The following NYAP2 variants were observed in gnomAD, a reference collection of about 807,000 sequenced individuals.
The protein encoded by NYAP2 is neuronal tyrosine-phosphorylated phosphoinositide-3-kinase adapter 2.
In NYAP2, 23 loss-of-function variants were observed where a neutral mutation model predicts 50.4. That is an observed-to-expected ratio of 0.46 (90% CI 0.33 to 0.65). The LOEUF (loss-of-function observed/expected upper bound fraction) is 0.65. NYAP2 is among the 30% of genes least tolerant of loss of function. The pLI is 0.02. For synonymous variants in NYAP2, 394 were observed against 365.2 expected (o/e 1.08, Z -0.90); for missense variants, 885 against 861.0 (o/e 1.03, Z -0.35).
At chr2:225,405,690 A>G (rs1694930043) in intron 2 of NYAP2, among the ~76,000 whole-genome samples, 1 of 151,948 alleles carries the variant, frequency 6.6e-6, no homozygotes, top group Non-Finnish European at 1.5e-5. Context: ...TCTGAGAAAC[A>G]CTTTGGGCTT....
At chr2:225,622,559 T>TTC (rs767090288) in intron 5 of NYAP2, among the ~76,000 whole-genome samples, 3,178 of 56,412 alleles carry the variant, frequency 0.056, 81 homozygotes, top group East Asian at 0.078. Context: ...CTTTCTTTCT[T>TTC]TTTCTTTCTT....
rs1286226416 is a variant in NYAP2, at chr2:225,644,249, GTGTC to G, written c.1829-7179_1829-7176del. On this transcript the variant is annotated intron_variant, in intron 6 of 6. Coordinates refer to ENST00000636099, the Ensembl canonical transcript of NYAP2. Reference sequence around the variant, plus strand: ...CTGCATAAATGCCTTCTTTTGAGAAGTGTCTGTTCATGTCCTTCACCCACTTTTT... The same window carrying G: ...CTGCATAAATGCCTTCTTTTGAGAAGTGTTCATGTCCTTCACCCACTTTTT... 8.5e-5 allele frequency among the ~76,000 whole-genome samples: 13 copies of G among 152,326 alleles called. No homozygotes were observed. The East Asian group carries it at 2.3e-3, about 27-fold the overall frequency.
intron 4 of NYAP2, among the ~76,000 whole-genome samples, chr2:225,550,655 T>C (rs1691657503): frequency 6.6e-6 from 1 of 152,126 alleles, no homozygotes; most frequent in Admixed American, 6.5e-5. Context: ...GTGTGAATTA[T>C]GGGAGGAATG....
At chr2:225,608,589 G>A (rs183674796) in intron 5 of NYAP2, among the ~76,000 whole-genome samples, 175 of 151,940 alleles carry the variant, frequency 1.2e-3, no homozygotes, top group Non-Finnish European at 1.3e-3. Context: ...AACTTATTAC[G>A]GTCCCTGAAC....
chr2:225,484,647 A>C (rs563890889), intron 3 of NYAP2, among the ~76,000 whole-genome samples: 1 of 152,328 alleles, frequency 6.6e-6, no homozygotes, highest in African/African-American at 2.4e-5. Flanking sequence ...ACTCTACTGT[A>C]AGCCTCCTGC....
In NYAP2 at chr2:225,525,959, G is replaced by T. The variant is rs541893903; in HGVS notation, c.523+12287G>T. 7.2e-5 allele frequency among the ~76,000 whole-genome samples: 11 copies of T among 152,308 alleles called. No individual in the cohort carries two copies. The East Asian group carries it at 1.9e-3, about 27-fold the overall frequency. On this transcript the variant is annotated intron_variant, in intron 4 of 6. Coordinates refer to ENST00000636099, the Ensembl canonical transcript of NYAP2. The stretch of plus-strand genomic sequence containing the variant: ...GGTAAGGCACATGGGCAGCCTCTGA[G>T]AGTTGAGAGCAGCACCATGGCTGAA...
the NYAP2 span, among the ~76,000 whole-genome samples, chr2:225,673,992 C>A: frequency 6.6e-6 from 1 of 151,986 alleles, no homozygotes; most frequent in Non-Finnish European, 1.5e-5. Flanking sequence ...ACAAATTTCC[C>A]CTGTGATGAG....
chr2:225,693,050 T>C, the NYAP2 span, among the ~76,000 whole-genome samples: 1 of 152,150 alleles, frequency 6.6e-6, no homozygotes, highest in African/African-American at 2.4e-5. Flanking sequence ...CCATGGTTCA[T>C]GTGTCATGAC....
In NYAP2 at chr2:225,582,543, G is replaced by T. The variant is rs1692308804; in HGVS notation, c.1126G>T (p.Ala376Ser). The T allele has an allele frequency of 6.3e-7, 1 of 1,575,330 alleles. No homozygotes were observed. Among genetic ancestry groups the T allele is most frequent in the Non-Finnish European group, 8.6e-7 (1 of 1,159,988 alleles). ...AAACGTGTCTTACATGAAACAGCCA[G>T]CCGGGGCGTCGCCCTCCACGCTGCC... is the stretch of plus-strand genomic sequence containing the variant. Residue 376 changes from alanine to serine, a missense_variant, in exon 5 of 7, where the codon GCC becomes TCC. Ala to Ser is a moderately conservative substitution (Grantham distance 99). Transcript: ENST00000636099. The surrounding 1 kb of genome is among the most constrained non-coding windows in gnomAD (Gnocchi z 7.0).
intron 5 of NYAP2, among the ~76,000 whole-genome samples, chr2:225,611,243 A>G (rs1049050771): frequency 6.6e-6 from 1 of 152,140 alleles, no homozygotes; most frequent in Non-Finnish European, 1.5e-5. Context: ...TAGAGCCTCA[A>G]TTCCTCCTCT....
intron 3 of NYAP2, among the ~76,000 whole-genome samples, chr2:225,512,819 TTCTCTCTCTC>T (rs145877640): frequency 2.8e-5 from 2 of 71,400 alleles, no homozygotes; most frequent in Admixed American, 3.0e-4. Flanking sequence ...TTTTCTTTCT[TTCTCTCTCTC>T]TCTCTCTCTT....
chr2:225,496,917 T>A (rs1436659493), intron 3 of NYAP2, among the ~76,000 whole-genome samples: 2 of 150,028 alleles, frequency 1.3e-5, no homozygotes, highest in African/African-American at 2.5e-5. Flanking sequence ...AATGGAGAAT[T>A]TTTTTTTTTA....
chr2:225,697,399 C>A, the NYAP2 span, among the ~76,000 whole-genome samples: 1 of 151,970 alleles, frequency 6.6e-6, no homozygotes, highest in Non-Finnish European at 1.5e-5. Flanking sequence ...TTTGCCGAAG[C>A]ATCAAAAACT....
intron 6 of NYAP2, among the ~76,000 whole-genome samples, chr2:225,630,310 T>TGTTTTGC (rs1248020061): frequency 6.6e-6 from 1 of 152,184 alleles, no homozygotes; most frequent in African/African-American, 2.4e-5. Flanking sequence ...AGCTCCGAGG[T>TGTTTTGC]AGGCAGTTCC....
chr2:225,401,870 A>G (rs1406942335), intron 2 of NYAP2, among the ~76,000 whole-genome samples: 1 of 152,050 alleles, frequency 6.6e-6, no homozygotes, highest in African/African-American at 2.4e-5. Flanking sequence ...AAATAATGAA[A>G]TTCTGAAAAG....
chr2:225,511,070 A>T (rs1413593075), intron 3 of NYAP2, among the ~76,000 whole-genome samples: 1 of 152,132 alleles, frequency 6.6e-6, no homozygotes, highest in Non-Finnish European at 1.5e-5. Flanking sequence ...TCCTTAAAGC[A>T]CCTTTTGTGC....
At chr2:225,605,346 A>T (rs887478774) in intron 5 of NYAP2, among the ~76,000 whole-genome samples, 10 of 152,090 alleles carry the variant, frequency 6.6e-5, no homozygotes, top group South Asian at 2.1e-4. Context: ...TATCTTTTTT[A>T]AAAAAATTTA....
intron 3 of NYAP2, among the ~76,000 whole-genome samples, chr2:225,409,788 G>T (rs543207878): frequency 3.0e-4 from 45 of 152,176 alleles, no homozygotes; most frequent in African/African-American, 9.9e-4. Flanking sequence ...TAAAAAGAAT[G>T]TTACAATGTT....
intron 4 of NYAP2, among the ~76,000 whole-genome samples, chr2:225,577,833 C>A (rs1324363013): frequency 2.0e-5 from 3 of 151,532 alleles, no homozygotes; most frequent in African/African-American, 7.3e-5. Flanking sequence ...AAAAAAGAAG[C>A]CCCTGCCCCC....
Sources: allele counts gnomAD v4.1 joint callset (sites outside exome capture counted in the v4.1 genomes callset), GRCh38; gene constraint gnomAD v4.1.1; non-coding constraint Gnocchi (gnomAD v3.1); transcripts MANE v1.5; gene names NCBI Gene and HGNC (gene_info 2026-07-23, HGNC 2026-07-21).